The following MYBL2 variants were observed in gnomAD, a reference collection of about 807,000 sequenced individuals.
The protein encoded by MYBL2 is myb-related protein B.
A neutral mutation model predicts 79.9 loss-of-function variants in MYBL2; 28 were observed. The ratio of observed to expected loss-of-function variants is 0.35; its 90% CI spans 0.26 to 0.48. The LOEUF (loss-of-function observed/expected upper bound fraction) is 0.48, where lower values mean the gene tolerates loss of function less well. Ranked by LOEUF, MYBL2 falls within the 20% of genes least tolerant of loss-of-function variation. The pLI, the probability that MYBL2 is intolerant of heterozygous loss-of-function variation, is 0.99. For synonymous variants in MYBL2, 378 were observed against 361.2 expected, an observed-to-expected ratio of 1.05 and a Z score of -0.53; for missense variants, 735 against 893.9, an observed-to-expected ratio of 0.82 and a Z score of 2.27.
At chr20:43,674,839 ACTTT>A (rs1366621881) in intron 2 of MYBL2, among the ~76,000 whole-genome samples, 3 of 152,056 alleles carry the variant, frequency 2.0e-5, no homozygotes, top group African/African-American at 7.2e-5. Flanking sequence ...GCCAACTCCC[ACTTT>A]CTTTTTCTAA....
chr20:43,713,677 G>A (rs916524976), intron 12 of MYBL2, among the ~76,000 whole-genome samples: 5 of 152,170 alleles, frequency 3.3e-5, no homozygotes, highest in African/African-American at 9.7e-5. Flanking sequence ...GTGAGTCACC[G>A]TGCCCAGCCT....
chr20:43,670,724 T>C (rs1986834206), intron 1 of MYBL2, among the ~76,000 whole-genome samples: 1 of 152,152 alleles, frequency 6.6e-6, no homozygotes, highest in African/African-American at 2.4e-5. Context: ...CGGTGAGCTT[T>C]GGAGAACAAG....
chr20:43,689,176 C>G (rs572726708), intron 5 of MYBL2, among the ~76,000 whole-genome samples: 1 of 152,314 alleles, frequency 6.6e-6, no homozygotes, highest in East Asian at 1.9e-4. Flanking sequence ...ACCTGTTTCT[C>G]TTTGTCCTTG....
chr20:43,689,024 A>T (rs1299749492), intron 5 of MYBL2, among the ~76,000 whole-genome samples: 1 of 151,952 alleles, frequency 6.6e-6, no homozygotes, highest in Non-Finnish European at 1.5e-5. Flanking sequence ...TCCTGACCTC[A>T]GGTGATCTGC....
chr20:43,698,351 ATTTTTTTTTTTTTTTTTTTTTTTTTT>A (rs71193701), intron 6 of MYBL2, among the ~76,000 whole-genome samples: 4 of 49,092 alleles, frequency 8.1e-5, no homozygotes, highest in Admixed American at 6.2e-4. Flanking sequence ...CGCCCCGCAT[ATTTTTTTTTTTTTTTTTTTTTTTTTT>A]TTTTTTTTTT....
chr20:43,685,147 CAAAAA>C (rs112163259), intron 4 of MYBL2, among the ~76,000 whole-genome samples: 3 of 129,726 alleles, frequency 2.3e-5, no homozygotes, highest in African/African-American at 5.8e-5. Context: ...AACTCTGTCT[CAAAAA>C]AAAAAAAAAA....
At chr20:43,695,686 CAAAA>C (rs3091981) in intron 6 of MYBL2, among the ~76,000 whole-genome samples, 2 of 150,168 alleles carry the variant, frequency 1.3e-5, no homozygotes, top group Non-Finnish European at 3.0e-5. Flanking sequence ...ACTGTCTTTA[CAAAA>C]AAAAAAAAAA....
At chr20:43,698,351 ATTTTTTTTT>A in intron 6 of MYBL2, among the ~76,000 whole-genome samples, 1 of 49,092 alleles carries the variant, frequency 2.0e-5, no homozygotes, top group South Asian at 8.7e-4. Flanking sequence ...CGCCCCGCAT[ATTTTTTTTT>A]TTTTTTTTTT....
At chr20:43,682,953 G>T in intron 4 of MYBL2, 67 bp downstream of exon 4, 1 of 1,478,698 alleles carries the variant, frequency 6.8e-7, no homozygotes, top group Admixed American at 1.7e-5. Context: ...GGGACTGTGA[G>T]ATTGCCTTGT....
At position 43,711,375 on chromosome 20, in the gene MYBL2, T is replaced by G; in HGVS notation, c.1606-113T>G. 7.0e-6 allele frequency: 5 copies of G among 710,930 alleles called. No individual in the cohort carries two copies. The South Asian group carries it at 9.0e-5, about 13-fold the overall frequency. The allele number at this position is 710,930 out of a possible 1,614,324, so 44.0% of individuals were successfully genotyped here. On this transcript the variant is annotated intron_variant, in intron 10 of 13. Transcript: ENST00000217026. The stretch of plus-strand genomic sequence containing the variant: ...GAGATCTGCATCCTGGCGTCAGGCC[T>G]CCTTCCTGCCTTACCCAGGACAGCC...
intron 10 of MYBL2, 50 bp downstream of exon 10, chr20:43,710,112 G>A (rs1204278218): frequency 8.3e-6 from 12 of 1,451,798 alleles, no homozygotes; most frequent in East Asian, 7.3e-5. Flanking sequence ...GGATCCCTTC[G>A]GTTCATCCAA....
intron 2 of MYBL2, among the ~76,000 whole-genome samples, chr20:43,676,444 A>G (rs1256919103): frequency 6.6e-6 from 1 of 152,174 alleles, no homozygotes; most frequent in Non-Finnish European, 1.5e-5. Flanking sequence ...AAATGAAATC[A>G]TACGGTTACA....
chr20:43,709,094 G>A (rs928537968), intron 9 of MYBL2, among the ~76,000 whole-genome samples: 21 of 152,170 alleles, frequency 1.4e-4, no homozygotes, highest in Admixed American at 3.3e-4. Flanking sequence ...GAGGCGGCGA[G>A]GCCCCAGGCT....
chr20:43,706,719 G>GTTTTT (rs71193702), intron 9 of MYBL2, among the ~76,000 whole-genome samples: 828 of 70,782 alleles, frequency 0.012, 64 homozygotes, highest in African/African-American at 0.047. Context: ...AAAAAAAAAA[G>GTTTTT]TTTTTTTTTT....
At chr20:43,706,645 T>A (rs534112397) in intron 9 of MYBL2, among the ~76,000 whole-genome samples, 1 of 148,988 alleles carries the variant, frequency 6.7e-6, no homozygotes, top group Non-Finnish European at 1.5e-5. Flanking sequence ...GGTGGGAGGA[T>A]CACTTGAGAC....
At chr20:43,697,081 T>C (rs1987562971) in intron 6 of MYBL2, among the ~76,000 whole-genome samples, 1 of 152,214 alleles carries the variant, frequency 6.6e-6, no homozygotes, top group Admixed American at 6.5e-5. Context: ...TTTGAAGTTT[T>C]CATAAGCATT....
At chr20:43,675,761 T>TTGTGTGTGTG (rs34999422) in intron 2 of MYBL2, among the ~76,000 whole-genome samples, 2,143 of 148,178 alleles carry the variant, frequency 0.014, 52 homozygotes, top group African/African-American at 0.05. Context: ...TTTGGGGGCT[T>TTGTGTGTGTG]TGTGTGTGTG....
At chr20:43,667,351 A>ACCCCT in intron 1 of MYBL2, 48 bp downstream of exon 1, 2 of 1,146,510 alleles carry the variant, frequency 1.7e-6, no homozygotes, top group Non-Finnish European at 2.2e-6. Context: ...CCTTTAACTC[A>ACCCCT]CCCCTCCCCC....
In MYBL2 at chr20:43,712,982, T is replaced by G. The variant is rs2145736575; in HGVS notation, c.1720-20T>G. The G allele has an allele frequency of 6.3e-7, 1 of 1,591,122 alleles. No homozygotes were observed. Among genetic ancestry groups the G allele is most frequent in the East Asian group, 2.2e-5 (1 of 44,600 alleles). ...AATCCAGACACTCACCCTAACCCCCTTCTATCTGCCAACCCCTAGCTGCGG... is the reference window on the plus strand; with the variant it reads ...AATCCAGACACTCACCCTAACCCCCGTCTATCTGCCAACCCCTAGCTGCGG... On this transcript the variant is annotated intron_variant, in intron 11 of 13. Coordinates refer to ENST00000217026, the MANE Select transcript of MYBL2 (RefSeq NM_002466.4).
Sources: allele counts gnomAD v4.1 joint callset (sites outside exome capture counted in the v4.1 genomes callset), GRCh38; gene constraint gnomAD v4.1.1; transcripts MANE v1.5; gene names NCBI Gene and HGNC (gene_info 2026-07-23, HGNC 2026-07-21).